Variants in GMCL1 observed in about 807,000 individuals in gnomAD.
GMCL1 encodes germ cell-less 1, spermatogenesis associated.
Under a neutral mutation model 75.5 loss-of-function variants are expected in GMCL1, and 54 were observed. The ratio of observed to expected loss-of-function variants is 0.71; its 90% CI spans 0.57 to 0.90. The LOEUF is 0.90. Ranked by LOEUF, GMCL1 falls within the 40% of genes least tolerant of loss-of-function variation. GMCL1 has a pLI of 0.00. For synonymous variants in GMCL1, 210 were observed against 209.6 expected, an observed-to-expected ratio of 1.00 and a Z score of -0.02; for missense variants, 537 against 622.7, an observed-to-expected ratio of 0.86 and a Z score of 1.47.
chr2:69,879,294 A>G lies in GMCL1; in HGVS notation c.*290A>G, dbSNP rs1427935195. On this transcript the variant is annotated 3_prime_UTR_variant, in exon 14 of 14. Coordinates refer to ENST00000282570, the MANE Select transcript of GMCL1 (RefSeq NM_178439.5). ...AATTCATGCTTTTAATTTAGCATCA[A>G]TAGAAAATTGCTGTAGGTAAATCTC... is the stretch of plus-strand genomic sequence containing the variant. The G allele has an allele frequency of 6.2e-5, 12 of 194,606 alleles. No homozygotes were observed. The highest frequency in any genetic ancestry group is 7.3e-5 in the Non-Finnish European group (7 of 95,808). 12.1% of individuals were successfully genotyped at this position (194,606 alleles called of 1,614,324 possible). A position where few individuals can be genotyped will look rare whatever the true frequency, so the allele number is the denominator to read the frequency against.
chr2:69,855,309 G>C (rs1262760744), intron 9 of GMCL1, among the ~76,000 whole-genome samples: 1 of 151,692 alleles, frequency 6.6e-6, no homozygotes, highest in Non-Finnish European at 1.5e-5. Flanking sequence ...TTCTATTAGT[G>C]CTCCTTAAAT....
intron 1 of GMCL1, among the ~76,000 whole-genome samples, chr2:69,834,983 T>G (rs1674778523): frequency 1.3e-5 from 2 of 152,096 alleles, no homozygotes. Context: ...GGTATTTCTT[T>G]TGGACCAGGG....
rs866306421 is a variant in GMCL1, at chr2:69,831,075, C to T, written c.260+923C>T. Among the ~76,000 whole-genome samples, 5 of 152,194 alleles carry T rather than the reference C, an allele frequency of 3.3e-5. 1 individual carries two copies. The highest frequency in any genetic ancestry group is 2.1e-4 in the South Asian group (1 of 4,830). On this transcript the variant is annotated intron_variant, in intron 1 of 13. Transcript: ENST00000282570. Reference sequence around the variant, plus strand: ...CTGGGACTACCGGCGCGCACCACCACGCCTGGCTAATGTTTTCTGTTTTTA... The same window carrying T: ...CTGGGACTACCGGCGCGCACCACCATGCCTGGCTAATGTTTTCTGTTTTTA...
chr2:69,857,129 C>G (rs949964507), intron 9 of GMCL1, among the ~76,000 whole-genome samples: 1 of 152,192 alleles, frequency 6.6e-6, no homozygotes, highest in Non-Finnish European at 1.5e-5. Context: ...CCCTTTTACA[C>G]TGCTCTTTAA....
chr2:69,849,980 T>TA (rs1675266171), intron 8 of GMCL1, among the ~76,000 whole-genome samples: 1 of 152,234 alleles, frequency 6.6e-6, no homozygotes, highest in Admixed American at 6.5e-5. Context: ...TCTGAATTGT[T>TA]ACTCCTTGAA....
intron 8 of GMCL1, among the ~76,000 whole-genome samples, chr2:69,853,827 G>C (rs1675388028): frequency 6.6e-6 from 1 of 151,988 alleles, no homozygotes; most frequent in Non-Finnish European, 1.5e-5. Context: ...TTTTGAGACA[G>C]AGTTTCACTC....
At chr2:69,862,674 G>T (rs1427921576) in intron 10 of GMCL1, among the ~76,000 whole-genome samples, 2 of 151,952 alleles carry the variant, frequency 1.3e-5, no homozygotes, top group Non-Finnish European at 2.9e-5. Flanking sequence ...CAGGAGAATC[G>T]CTTGAACCCG....
chr2:69,847,471 GC>G (rs1439449957), intron 6 of GMCL1, 71 bp from the exon 7 acceptor site: 7 of 931,488 alleles, frequency 7.5e-6, no homozygotes, highest in African/African-American at 1.6e-5. Flanking sequence ...AAGACTTAAA[GC>G]TTTTATTTCT....
rs1406206847 is a variant in GMCL1 at position 69,861,151 on chromosome 2, C to T, written c.1073-127C>T. 3 of 688,404 alleles carry T rather than the reference C, an allele frequency of 4.4e-6. No individual in the cohort carries two copies. The East Asian group carries it at 8.9e-5, about 21-fold the overall frequency. 42.6% of individuals were successfully genotyped at this position (688,404 alleles called of 1,614,324 possible). ...AGCCACCATGCTTGGCCTAAGCTAC[C>T]TAATTTTTAAATTGCTATTTTAAAC... On this transcript the variant is annotated intron_variant, in intron 9 of 13. Coordinates refer to ENST00000282570, the MANE Select transcript of GMCL1 (RefSeq NM_178439.5).
At position 69,832,114 on chromosome 2, in the gene GMCL1, G is replaced by A. The variant is rs560650997; in HGVS notation, c.260+1962G>A. On this transcript the variant is annotated intron_variant, in intron 1 of 13. Transcript: ENST00000282570. Reference sequence around the variant, plus strand: ...CAGCTGCCTGTAATCCCAGCTACTCGGGACGCTGAGGCAGAAGAATGGCTT... The same window carrying A: ...CAGCTGCCTGTAATCCCAGCTACTCAGGACGCTGAGGCAGAAGAATGGCTT... Among the ~76,000 whole-genome samples the A allele has an allele frequency of 4.1e-4, 62 of 152,078 alleles. 1 individual carries two copies. The South Asian group carries it at 7.1e-3, about 17-fold the overall frequency.
Position 69,879,013 on chromosome 2 carries a change from G to T in GMCL1, c.*9G>T, listed in dbSNP as rs191515790. On this transcript the variant is annotated 3_prime_UTR_variant, in exon 14 of 14. Coordinates refer to ENST00000282570, the MANE Select transcript of GMCL1 (RefSeq NM_178439.5). ...CAGAAAAAAAGAATTGAAAATAATC[G>T]TCACCCAGAAAATCCAGAAAACTGA... 1 of 1,531,560 alleles carries T rather than the reference G, an allele frequency of 6.5e-7. No homozygotes were observed. Among genetic ancestry groups the T allele is most frequent in the African/African-American group, 1.4e-5 (1 of 72,960 alleles). 94.9% of individuals were successfully genotyped at this position (1,531,560 alleles called of 1,614,324 possible).
Position 69,829,802 on chromosome 2 carries a change from C to T in GMCL1, c.-91C>T, listed in dbSNP as rs940416716. 32 of 1,392,554 alleles carry T rather than the reference C, an allele frequency of 2.3e-5. No individual in the cohort carries two copies. The highest frequency in any genetic ancestry group is 2.6e-4 in the Middle Eastern group (1 of 3,898). The allele number at this position is 1,392,554 out of a possible 1,614,324, so 86.3% of individuals were successfully genotyped here. ...GCGTGAGAAGGTGGCGGTGTAGGCA[C>T]CTGCGCTCGGGGAAGGCTGGCGGCG... On this transcript the variant is annotated 5_prime_UTR_variant, in exon 1 of 14. Coordinates refer to ENST00000282570, the MANE Select transcript of GMCL1 (RefSeq NM_178439.5).
intron 13 of GMCL1, among the ~76,000 whole-genome samples, chr2:69,875,873 G>A (rs903732435): frequency 2.6e-5 from 4 of 151,916 alleles, no homozygotes; most frequent in South Asian, 2.1e-4. Flanking sequence ...TTGTATTTTA[G>A]TAGAGACAGG....
chr2:69,832,624 A>G (rs1674707608), intron 1 of GMCL1, among the ~76,000 whole-genome samples: 1 of 152,048 alleles, frequency 6.6e-6, no homozygotes, highest in African/African-American at 2.4e-5. Flanking sequence ...CCCTCCTTTC[A>G]CTTTTTACCT....
chr2:69,841,065 A>T, intron 4 of GMCL1, 26 bp downstream of exon 4: 1 of 1,520,944 alleles, frequency 6.6e-7, no homozygotes, highest in Non-Finnish European at 9.1e-7. Flanking sequence ...ATTCGAAGAA[A>T]GGTTCAGAAT....
At chr2:69,852,108 A>G (rs1675335008) in intron 8 of GMCL1, among the ~76,000 whole-genome samples, 1 of 152,258 alleles carries the variant, frequency 6.6e-6, no homozygotes, top group South Asian at 2.1e-4. Context: ...AAGCTGAAAG[A>G]GACAAGGATG....
chr2:69,854,293 G>T (rs868593041), intron 8 of GMCL1, among the ~76,000 whole-genome samples: 63 of 152,212 alleles, frequency 4.1e-4, no homozygotes, highest in African/African-American at 1.3e-3. Context: ...GGGATCACAG[G>T]CGTGAGCCAC....
At chr2:69,840,233 C>G (rs1674943259) in intron 3 of GMCL1, 1 of 152,058 alleles carries the variant, frequency 6.6e-6, no homozygotes, top group Non-Finnish European at 1.5e-5. Flanking sequence ...ATGGTGAACC[C>G]CATCTCTACT....
chr2:69,880,015 G>T lies in GMCL1; in HGVS notation c.*1011G>T, dbSNP rs1440972560. ...AAATAAGGTCAGAGGATGTAATATG[G>T]AGCCTGATGATGAAGCATTAATGTA... On this transcript the variant is annotated 3_prime_UTR_variant, in exon 14 of 14. Coordinates refer to ENST00000282570, the MANE Select transcript of GMCL1 (RefSeq NM_178439.5). 2 of 152,080 alleles carry T rather than the reference G, an allele frequency of 1.3e-5. No individual in the cohort carries two copies. Among genetic ancestry groups the T allele is most frequent in the African/African-American group, 4.8e-5 (2 of 41,400 alleles). 9.4% of individuals were successfully genotyped at this position (152,080 alleles called of 1,614,324 possible).
Sources: gnomAD v4.1 joint callset for allele counts (sites outside exome capture counted in the v4.1 genomes callset) on GRCh38, gnomAD v4.1.1 for gene constraint, MANE v1.5 for transcripts, NCBI Gene and HGNC (gene_info 2026-07-23, HGNC 2026-07-21) for gene names.